UNC80: variants seen among roughly 807,000 people sequenced by gnomAD.
UNC80 encodes the protein protein unc-80 homolog.
Under a neutral mutation model 384.6 loss-of-function variants are expected in UNC80, and 164 were observed. The ratio of observed to expected loss-of-function variants is 0.43; its 90% CI spans 0.38 to 0.49. UNC80 has a LOEUF of 0.49. UNC80 is among the 20% of genes least tolerant of loss of function. The pLI is 0.00. For missense variants in UNC80, 3,330 were observed against 4,143.0 expected (o/e 0.80, Z 5.39); for synonymous variants, 1,486 against 1,527.8 (o/e 0.97, Z 0.64).
At chr2:209,864,793 C>G (rs7595063) in intron 22 of UNC80, among the ~76,000 whole-genome samples, 1,962 of 152,216 alleles carry the variant, frequency 0.013, 47 homozygotes, top group African/African-American at 0.043. Flanking sequence ...CATGTTAGGT[C>G]ATTGCGAGTC....
intron 38 of UNC80, among the ~76,000 whole-genome samples, chr2:209,932,537 G>A (rs1368895403): frequency 6.6e-6 from 1 of 152,148 alleles, no homozygotes; most frequent in East Asian, 1.9e-4. Context: ...CACTGAATAG[G>A]AGAAATGCTT....
chr2:209,983,848 T>G (rs1425662102), intron 60 of UNC80, among the ~76,000 whole-genome samples: 1 of 152,156 alleles, frequency 6.6e-6, no homozygotes, highest in Non-Finnish European at 1.5e-5. Flanking sequence ...AAAAATAATA[T>G]AGTTAAATAG....
At chr2:209,916,212 G>C (rs1353734913) in intron 31 of UNC80, among the ~76,000 whole-genome samples, 1 of 152,080 alleles carries the variant, frequency 6.6e-6, no homozygotes, top group Non-Finnish European at 1.5e-5. Flanking sequence ...AGGGTCAGTA[G>C]AGAAGAAAGA....
intron 18 of UNC80, 149 bp downstream of exon 18, chr2:209,835,159 T>A: frequency 1.7e-6 from 1 of 595,038 alleles, no homozygotes; most frequent in Non-Finnish European, 2.9e-6. Context: ...CCAATGCCAC[T>A]AACTCTCCAG....
chr2:209,933,934 T>G lies in UNC80; in HGVS notation c.6107T>G (p.Phe2036Cys), dbSNP rs1404302343. Reference sequence around the variant, plus strand: ...GTGGGTTACGTGGAGGGCCTCTTCTTCAAGGATCTCAAGCAGACGATGAAG... The same window carrying G: ...GTGGGTTACGTGGAGGGCCTCTTCTGCAAGGATCTCAAGCAGACGATGAAG... ...EVVGYVEGLF[F>C]KDLKQTMKKE... Residue 2036 changes from phenylalanine to cysteine, a missense_variant, in exon 39 of 65, where the codon TTC (phenylalanine) becomes TGC (cysteine). Coordinates refer to ENST00000673920, the MANE Select transcript of UNC80 (RefSeq NM_001371986.1). The G allele has an allele frequency of 6.4e-7, 1 of 1,550,830 alleles. No homozygotes were observed. The highest frequency in any genetic ancestry group is 8.7e-7 in the Non-Finnish European group (1 of 1,146,830).
chr2:209,939,556 T>C lies in UNC80; in HGVS notation c.6550T>C (p.Ser2184Pro), dbSNP rs2091482246. The C allele has an allele frequency of 1.9e-6, 3 of 1,551,740 alleles. No individual in the cohort carries two copies. The highest frequency in any genetic ancestry group is 2.6e-6 in the Non-Finnish European group (3 of 1,146,948). ...GAAGATCCCCACAGCCCACAAACAG[T>C]CCCACGTCTCCATGCTTCAGGAAGA... ...TQKIPTAHKQSHVSMLQEDLL... is the reference protein window; with the variant it reads ...TQKIPTAHKQPHVSMLQEDLL... Residue 2184 changes from serine (S) to proline (P), a missense_variant, in exon 43 of 65, where the codon TCC becomes CCC. Ser to Pro is a moderately conservative substitution (Grantham distance 74). Transcript: ENST00000673920.
intron 59 of UNC80, 136 bp from the exon 60 acceptor site, chr2:209,982,043 G>T: frequency 1.3e-6 from 1 of 783,272 alleles, no homozygotes; most frequent in African/African-American, 1.8e-5. Flanking sequence ...TGTATGAAGG[G>T]ACCAATGATA....
chr2:209,855,983 G>A (rs529763008), intron 22 of UNC80, among the ~76,000 whole-genome samples: 1 of 151,820 alleles, frequency 6.6e-6, no homozygotes. Flanking sequence ...TTCATATATA[G>A]TTTCCTAAAT....
chr2:209,917,826 C>T lies in UNC80; in HGVS notation c.5079C>T (p.Asp1693=). 1 of 1,552,148 alleles carries T rather than the reference C, an allele frequency of 6.4e-7. No homozygotes were observed. Among genetic ancestry groups the T allele is most frequent in the Non-Finnish European group, 8.7e-7 (1 of 1,147,084 alleles). ...CAVKVPEAVS[D]MLMSEFHHPE... ...TGAAGGTGCCTGAGGCCGTGTCCGA[C>T]ATGCTGATGTCAGAGTTCCACCACC... is the stretch of plus-strand genomic sequence containing the variant. Residue 1693 remains aspartate, a synonymous_variant, in exon 32 of 65, where the codon GAC becomes GAT. Coordinates refer to ENST00000673920, the MANE Select transcript of UNC80 (RefSeq NM_001371986.1).
chr2:209,987,517 A>C (rs762464669), intron 61 of UNC80, among the ~76,000 whole-genome samples: 8 of 152,332 alleles, frequency 5.3e-5, no homozygotes, highest in Non-Finnish European at 1.0e-4. Context: ...GCCGTGAAAC[A>C]CGCACACATA....
At chr2:209,980,569 A>G (rs1325485164) in intron 59 of UNC80, among the ~76,000 whole-genome samples, 1 of 152,222 alleles carries the variant, frequency 6.6e-6, no homozygotes, top group East Asian at 1.9e-4. Context: ...AGTAATTTAA[A>G]TAGGGAGGGG....
Position 209,865,230 on chromosome 2 carries a change from G to GTTT in UNC80, c.3628-7520_3628-7518dup, listed in dbSNP as rs34718642. Reference sequence around the variant, plus strand: ...GGTGAAGGATTCACACGTTTATTATGTTTTTTTTTTCAATGGGAGCCTCCG... The same window carrying GTTT: ...GGTGAAGGATTCACACGTTTATTATGTTTTTTTTTTTTTCAATGGGAGCCTCCG... On this transcript the variant is annotated intron_variant, in intron 22 of 64. Transcript: ENST00000673920. Among the ~76,000 whole-genome samples the GTTT allele has an allele frequency of 6.4e-4, 96 of 149,436 alleles. 1 individual carries two copies. Among genetic ancestry groups the GTTT allele is most frequent in the African/African-American group, 1.7e-3 (68 of 40,838 alleles).
chr2:209,812,084 C>T (rs1209746874), intron 7 of UNC80, among the ~76,000 whole-genome samples: 2 of 152,118 alleles, frequency 1.3e-5, no homozygotes, highest in Non-Finnish European at 2.9e-5. Context: ...GAGTCTCGCT[C>T]CGTAGCCCAG....
chr2:209,978,844 A>G (rs1044797989), intron 59 of UNC80, 136 bp downstream of exon 59: 1 of 803,236 alleles, frequency 1.2e-6, no homozygotes, highest in African/African-American at 1.7e-5. Context: ...TCTAGGGGAA[A>G]TGTGACTGAT....
chr2:209,868,036 T>A (rs2083984744), intron 22 of UNC80, among the ~76,000 whole-genome samples: 1 of 152,186 alleles, frequency 6.6e-6, no homozygotes, highest in South Asian at 2.1e-4. Flanking sequence ...CCTGTAATGT[T>A]GGTCTTCAGC....
intron 15 of UNC80, among the ~76,000 whole-genome samples, chr2:209,830,321 A>T (rs1015359786): frequency 2.0e-5 from 3 of 152,242 alleles, no homozygotes; most frequent in Non-Finnish European, 4.4e-5. Flanking sequence ...AGTTGTTTTA[A>T]ACCAAACACA....
intron 22 of UNC80, chr2:209,869,160 T>C (rs1320863880): frequency 6.6e-6 from 1 of 152,250 alleles, no homozygotes; most frequent in Non-Finnish European, 1.5e-5. Context: ...TTCTCTGTGA[T>C]GTGAATCCAT....
At chr2:209,883,938 G>C (rs147086631) in intron 25 of UNC80, among the ~76,000 whole-genome samples, 131 of 152,258 alleles carry the variant, frequency 8.6e-4, no homozygotes, top group African/African-American at 3.0e-3. Flanking sequence ...TAAATCCACA[G>C]AGTAAGCATA....
intron 3 of UNC80, among the ~76,000 whole-genome samples, chr2:209,776,864 C>T (rs901942241): frequency 6.6e-6 from 1 of 152,210 alleles, no homozygotes; most frequent in African/African-American, 2.4e-5. Flanking sequence ...CCCACGTTAG[C>T]GTACATACTC....
Sources: allele counts gnomAD v4.1 joint callset (sites outside exome capture counted in the v4.1 genomes callset), GRCh38; gene constraint gnomAD v4.1.1; transcripts MANE v1.5; gene names NCBI Gene and HGNC (gene_info 2026-07-23, HGNC 2026-07-21).